EMB: variants seen among roughly 807,000 people sequenced by gnomAD.
EMB encodes embigin.
Under a neutral mutation model 41.4 loss-of-function variants are expected in EMB, and 31 were observed. That is an observed-to-expected ratio of 0.75 (90% CI 0.56 to 1.01). The LOEUF is 1.01. EMB is among the 50% of genes least tolerant of loss of function. EMB has a pLI of 0.00. For synonymous variants in EMB, 137 were observed against 140.4 expected (o/e 0.98, Z 0.17); for missense variants, 379 against 388.3 (o/e 0.98, Z 0.20).
upstream of EMB, among the ~76,000 whole-genome samples, chr5:50,441,610 C>T (rs147655449): frequency 8.0e-3 from 1,219 of 152,270 alleles, 16 homozygotes; most frequent in African/African-American, 0.028. Context: ...TTTCTCCTCC[C>T]GGACCCCGGA....
At chr5:50,413,816 G>A (rs1031101108) in intron 2 of EMB, among the ~76,000 whole-genome samples, 4 of 152,036 alleles carry the variant, frequency 2.6e-5, no homozygotes, top group East Asian at 3.9e-4. Context: ...GACCTCAGGC[G>A]ATCTGCCTGC....
At chr5:50,400,954 C>G (rs1745151703) in intron 7 of EMB, among the ~76,000 whole-genome samples, 1 of 151,964 alleles carries the variant, frequency 6.6e-6, no homozygotes, top group African/African-American at 2.4e-5. Context: ...GGAGGCAGAG[C>G]TCGGAGAATA....
intron 1 of EMB, among the ~76,000 whole-genome samples, chr5:50,433,483 C>T (rs1189085982): frequency 5.9e-5 from 9 of 152,006 alleles, no homozygotes; most frequent in Non-Finnish European, 5.9e-5. Flanking sequence ...AATAAAACCC[C>T]GAAAGTTAAT....
At chr5:50,428,101 C>A in intron 2 of EMB, 43 bp downstream of exon 2, 1 of 1,432,950 alleles carries the variant, frequency 7.0e-7, no homozygotes, top group Non-Finnish European at 9.7e-7. Flanking sequence ...ATTGCTTAAA[C>A]CCTTTTTTTC....
intron 4 of EMB, among the ~76,000 whole-genome samples, chr5:50,406,901 C>A (rs1340253146): frequency 6.6e-6 from 1 of 151,872 alleles, no homozygotes; most frequent in Non-Finnish European, 1.5e-5. Flanking sequence ...AATAGGGATT[C>A]TTTGCTGAAG....
rs1237242461 is a variant in EMB at position 50,408,119 on chromosome 5, CA to C, written c.473-2268del. 2.0e-5 allele frequency among the ~76,000 whole-genome samples: 3 copies of C among 152,050 alleles called. No homozygotes were observed. The South Asian group carries it at 6.2e-4, about 31-fold the overall frequency. On this transcript the variant is annotated intron_variant, in intron 4 of 8. Coordinates refer to ENST00000303221, the MANE Select transcript of EMB (RefSeq NM_198449.3). ...CATACTTTATATTTTTAGATACTTC[CA>C]GGGGAAGACAGATAGTTGAGCTTTG...
rs1745110743 is a variant in EMB, at chr5:50,398,722, T to C, written c.*551A>G. On this transcript the variant is annotated 3_prime_UTR_variant, in exon 9 of 9. Coordinates refer to ENST00000303221, the MANE Select transcript of EMB (RefSeq NM_198449.3). ...TTTCCGGATAAAAGGTATATTTTTC[T>C]TGTGGAGATTGTAGAATAACTATCA... The C allele has an allele frequency of 1.3e-5, 2 of 152,108 alleles. No homozygotes were observed. The highest frequency in any genetic ancestry group is 2.9e-5 in the Non-Finnish European group (2 of 67,974). The allele number at this position is 152,108 out of a possible 1,614,324, so 9.4% of individuals were successfully genotyped here. A position where few individuals can be genotyped will look rare whatever the true frequency, so the allele number is the denominator to read the frequency against.
intron 1 of EMB, among the ~76,000 whole-genome samples, chr5:50,437,665 G>A (rs1561142517): frequency 1.5e-5 from 2 of 129,770 alleles, no homozygotes; most frequent in Non-Finnish European, 3.3e-5. Context: ...CTGAGATATG[G>A]ACTAACAATG....
At chr5:50,401,104 G>A (rs1308648683) in intron 7 of EMB, among the ~76,000 whole-genome samples, 2 of 152,034 alleles carry the variant, frequency 1.3e-5, no homozygotes, top group Admixed American at 6.6e-5. Flanking sequence ...AGATATCTAT[G>A]TTCTCCAGAA....
At chr5:50,402,685 T>C (rs1285897525) in intron 6 of EMB, among the ~76,000 whole-genome samples, 4 of 151,818 alleles carry the variant, frequency 2.6e-5, no homozygotes, top group African/African-American at 9.7e-5. Context: ...GCCGCAAAAA[T>C]AGGACATGAC....
rs1252562185 is a variant in EMB, at chr5:50,396,653, C to CT, written c.*2619_*2620insA. The CT allele has an allele frequency of 1.3e-5, 2 of 151,976 alleles. No individual in the cohort carries two copies. The highest frequency in any genetic ancestry group is 1.3e-4 in the Admixed American group (2 of 15,240). 9.4% of individuals were successfully genotyped at this position (151,976 alleles called of 1,614,324 possible). Reference sequence around the variant, plus strand: ...ATAGAGATTAGCAATTTGGAGAATGCAATATTAAGAAATGGCAAAGGTGAG... The same window carrying CT: ...ATAGAGATTAGCAATTTGGAGAATGCTAATATTAAGAAATGGCAAAGGTGAG... On this transcript the variant is annotated 3_prime_UTR_variant, in exon 9 of 9. Coordinates refer to ENST00000303221, the MANE Select transcript of EMB (RefSeq NM_198449.3).
In EMB at chr5:50,428,224, G is replaced by C; in HGVS notation, c.116C>G (p.Ser39Trp). The change falls in exon 2 of 9, where the codon TCG becomes TGG. Residue 39 changes from serine (S) to tryptophan (W), a missense_variant. Physicochemically the swap from Ser to Trp is radical, Grantham distance 177. Transcript: ENST00000303221. ...TCTGAGAGGTGGACTTGTAAAAGGCGAATCTATAAGAGAAAGAACACATGA... is the reference window on the plus strand; with the variant it reads ...TCTGAGAGGTGGACTTGTAAAAGGCCAATCTATAAGAGAAAGAACACATGA... ...PSSADGSAPD[S>W]PFTSPPLREE... 1 of 1,605,574 alleles carries C rather than the reference G, an allele frequency of 6.2e-7. No homozygotes were observed. Among genetic ancestry groups the C allele is most frequent in the Non-Finnish European group, 8.5e-7 (1 of 1,173,032 alleles).
chr5:50,441,254 G>A lies in EMB; in HGVS notation c.-103C>T, dbSNP rs879001533. On this transcript the variant is annotated 5_prime_UTR_variant, in exon 1 of 9. Transcript: ENST00000303221. The stretch of plus-strand genomic sequence containing the variant: ...CACACTCGCAGGTGGCCCGGCGCTC[G>A]CAGCCAGTGCCGCGGGTAGGACGCT... 22 of 600,886 alleles carry A rather than the reference G, an allele frequency of 3.7e-5. No individual in the cohort carries two copies. In the South Asian group the frequency reaches 1.1e-3, roughly 30 times the overall value. The allele number at this position is 600,886 out of a possible 1,614,324, so 37.2% of individuals were successfully genotyped here. A position where few individuals can be genotyped will look rare whatever the true frequency, so the allele number is the denominator to read the frequency against.
At chr5:50,406,259 T>C (rs1422198614) in intron 4 of EMB, among the ~76,000 whole-genome samples, 1 of 151,874 alleles carries the variant, frequency 6.6e-6, no homozygotes, top group Admixed American at 6.6e-5. Context: ...GCAGATAAAA[T>C]TTCCAGGATA....
At chr5:50,440,688 A>C (rs1440640608) in intron 1 of EMB, among the ~76,000 whole-genome samples, 1 of 152,066 alleles carries the variant, frequency 6.6e-6, no homozygotes, top group Admixed American at 6.5e-5. Context: ...TATTTGCCCA[A>C]GCCAAGTCGC....
rs189459266 is a variant in EMB, at chr5:50,412,751, T to C, written c.197-1368A>G. ...TCGCGGAGCCTGAAATTGTAGAGAA[T>C]TGCAGAGAAAAAGTTCCTCCCTGAC... On this transcript the variant is annotated intron_variant, in intron 2 of 8. Transcript: ENST00000303221. 6.6e-5 allele frequency among the ~76,000 whole-genome samples: 10 copies of C among 152,170 alleles called. No individual in the cohort carries two copies. The East Asian group carries it at 1.9e-3, about 29-fold the overall frequency.
intron 4 of EMB, among the ~76,000 whole-genome samples, chr5:50,407,177 T>C (rs546566960): frequency 2.0e-5 from 3 of 152,146 alleles, no homozygotes; most frequent in African/African-American, 7.2e-5. Context: ...AATTGAGTCA[T>C]GCTTTAGCAT....
intron 2 of EMB, among the ~76,000 whole-genome samples, chr5:50,418,596 T>C (rs376865974): frequency 2.9e-4 from 44 of 152,336 alleles, no homozygotes; most frequent in African/African-American, 9.4e-4. Flanking sequence ...TTAACACTTA[T>C]TTACCGAACA....
chr5:50,416,020 TCTCA>T (rs1209754646), intron 2 of EMB, among the ~76,000 whole-genome samples: 1 of 152,260 alleles, frequency 6.6e-6, no homozygotes, highest in East Asian at 1.9e-4. Context: ...CTAATCGTTG[TCTCA>T]CTGTTTCCTA....
Sources: allele counts gnomAD v4.1 joint callset (sites outside exome capture counted in the v4.1 genomes callset), GRCh38; gene constraint gnomAD v4.1.1; transcripts MANE v1.5; gene names NCBI Gene and HGNC (gene_info 2026-07-23, HGNC 2026-07-21).